DENND1C: variants seen among roughly 807,000 people sequenced by gnomAD.
DENND1C encodes the protein DENN domain-containing protein 1C.
In DENND1C, 64 loss-of-function variants were observed where a neutral mutation model predicts 87.9. The ratio of observed to expected loss-of-function variants is 0.73; its 90% CI spans 0.60 to 0.90. The LOEUF (loss-of-function observed/expected upper bound fraction) is 0.90. DENND1C is among the 40% of genes least tolerant of loss of function. The pLI is 0.00. For missense variants in DENND1C, 980 were observed against 1,037.0 expected, an observed-to-expected ratio of 0.95 and a Z score of 0.76; for synonymous variants, 384 against 424.4, an observed-to-expected ratio of 0.90 and a Z score of 1.17.
At position 6,468,828 on chromosome 19, in the gene DENND1C, G is replaced by A. The variant is rs1329376635; in HGVS notation, c.1515+18C>T. On this transcript the variant is annotated intron_variant, in intron 20 of 22. Transcript: ENST00000381480. The stretch of plus-strand genomic sequence containing the variant: ...GTGATAATTCCAGGTGTGTGCATGG[G>A]GGGAGGGGCGCTCTCACCTTTCCAA... 4.0e-6 allele frequency: 6 copies of A among 1,503,450 alleles called. No individual in the cohort carries two copies. The highest frequency in any genetic ancestry group is 5.3e-6 in the Non-Finnish European group (6 of 1,131,804). The allele number at this position is 1,503,450 out of a possible 1,614,324, so 93.1% of individuals were successfully genotyped here. A position where few individuals can be genotyped will look rare whatever the true frequency, so the allele number is the denominator to read the frequency against.
chr19:6,481,112 G>C (rs549022951), intron 1 of DENND1C, among the ~76,000 whole-genome samples: 1 of 151,684 alleles, frequency 6.6e-6, no homozygotes, highest in East Asian at 1.9e-4. Flanking sequence ...GGATACCTAG[G>C]TACTTACTGT....
rs376485715 is a variant in DENND1C, at chr19:6,468,302, C to G, written c.1723G>C (p.Gly575Arg). Residue 575 changes from glycine (G) to arginine (R), a missense_variant, in exon 22 of 23, where the codon GGC becomes CGC. Coordinates refer to ENST00000381480, the MANE Select transcript of DENND1C (RefSeq NM_024898.4). ...DSLSMGAKSA[G>R]SLRPSQSLDC... ...AAACTCTGGCTCGGTCTCAGGCTGC[C>G]TGCGCTCTTGGCTCCCATGCTAAGA... 5.0e-6 allele frequency: 8 copies of G among 1,613,780 alleles called. No individual in the cohort carries two copies. The African/African-American group carries it at 1.1e-4, about 22-fold the overall frequency.
rs748871045 is a variant in DENND1C, at chr19:6,478,969, C to T, written c.264G>A (p.Arg88=). The T allele has an allele frequency of 2.5e-6, 4 of 1,613,940 alleles. No individual in the cohort carries two copies. The highest frequency in any genetic ancestry group is 3.4e-6 in the Non-Finnish European group (4 of 1,179,862). Residue 88 remains arginine (R), a synonymous_variant, in exon 5 of 23, where the codon CGG becomes CGA. Transcript: ENST00000381480. ...TGCAGAGACAGCTCTGGGTACCCGCCCGCAGGCGGCAGAAACCAAATCTGC... is the reference window on the plus strand; with the variant it reads ...TGCAGAGACAGCTCTGGGTACCCGCTCGCAGGCGGCAGAAACCAAATCTGC... ...GNRRFGFCRL[R]AGTQSCLCIL... is the part of the protein sequence containing the mutation.
intron 17 of DENND1C, 149 bp downstream of exon 17, chr19:6,471,116 T>A: frequency 8.9e-7 from 1 of 1,118,616 alleles, no homozygotes; most frequent in Non-Finnish European, 1.3e-6. Context: ...TAGCGAATTT[T>A]TTTTTTTTCA....
Position 6,476,940 on chromosome 19 carries a change from C to A in DENND1C, c.595G>T (p.Val199Leu), listed in dbSNP as rs777556771. The A allele has an allele frequency of 2.5e-6, 4 of 1,613,688 alleles. No homozygotes were observed. The highest frequency in any genetic ancestry group is 3.4e-6 in the Non-Finnish European group (4 of 1,179,812). The change falls in exon 10 of 23, where the codon GTG (valine) becomes TTG (leucine). Residue 199 changes from valine (V) to leucine (L), a missense_variant. Physicochemically the swap from Val to Leu is conservative, Grantham distance 32. Coordinates refer to ENST00000381480, the MANE Select transcript of DENND1C (RefSeq NM_024898.4). Reference protein sequence around the residue: ...NRNLTELVVAVTDENIVGLFA... With the variant: ...NRNLTELVVALTDENIVGLFA... ...AGCCCCACGATGTTCTCGTCAGTCA[C>A]GGCCACCACCAGCTCCGTTAGGTTC...
Position 6,471,410 on chromosome 19 carries a change from G to C in DENND1C, c.1245C>G (p.Ser415=), listed in dbSNP as rs777723296. 5 of 1,586,162 alleles carry C rather than the reference G, an allele frequency of 3.2e-6. No individual in the cohort carries two copies. The South Asian group carries it at 5.7e-5, about 18-fold the overall frequency. Reference sequence around the variant, plus strand: ...GGGGCTGGACTCAGGGCTCACCTGAGGAGGCCCCGCAGCCAGTGATCTCCT... The same window carrying C: ...GGGGCTGGACTCAGGGCTCACCTGACGAGGCCCCGCAGCCAGTGATCTCCT... ...FEQEITGCGA[S]SGALRSYQLW... is the part of the protein sequence containing the mutation. The change falls in exon 16 of 23, where the codon TCC becomes TCG. Residue 415 remains serine, a synonymous_variant. Transcript: ENST00000381480.
intron 10 of DENND1C, chr19:6,476,526 C>T: frequency 4.1e-6 from 1 of 246,648 alleles, no homozygotes; most frequent in East Asian, 9.0e-5. Flanking sequence ...TCCCTGAGTC[C>T]CTGGGTCCCT....
chr19:6,476,558 T>G, intron 10 of DENND1C: 2 of 323,660 alleles, frequency 6.2e-6, no homozygotes, highest in Non-Finnish European at 1.1e-5. Flanking sequence ...TTCCCACGTG[T>G]ATAAGTCCCT....
intron 15 of DENND1C, among the ~76,000 whole-genome samples, chr19:6,472,469 C>G (rs891168576): frequency 5.3e-5 from 8 of 152,186 alleles, no homozygotes; most frequent in African/African-American, 1.9e-4. Flanking sequence ...CAGCTCACTG[C>G]AACGTCTGCC....
At chr19:6,476,665 G>T in intron 10 of DENND1C, 192 bp downstream of exon 10, 1 of 596,424 alleles carries the variant, frequency 1.7e-6, no homozygotes, top group Non-Finnish European at 2.9e-6. Flanking sequence ...AAAAGGAGGA[G>T]CTGCAGCGCA....
chr19:6,478,772 G>T lies in DENND1C; in HGVS notation c.366+11C>A, dbSNP rs1245436769. ...GGACTCCCACAGGAGTGAGAGAGGG[G>T]CTGGTCTCACTTGGTCCTGGGCTAG... On this transcript the variant is annotated intron_variant, in intron 6 of 22. Coordinates refer to ENST00000381480, the MANE Select transcript of DENND1C (RefSeq NM_024898.4). The T allele has an allele frequency of 1.9e-6, 3 of 1,609,536 alleles. No individual in the cohort carries two copies. The highest frequency in any genetic ancestry group is 1.3e-5 in the African/African-American group (1 of 74,952).
intron 6 of DENND1C, among the ~76,000 whole-genome samples, 172 bp downstream of exon 6, chr19:6,478,611 T>G (rs2092877205): frequency 6.6e-6 from 1 of 152,018 alleles, no homozygotes; most frequent in African/African-American, 2.4e-5. Context: ...CCAGCTGGTC[T>G]CGAACTCCAG....
At position 6,479,920 on chromosome 19, in the gene DENND1C, C is replaced by T. The variant is rs941695250; in HGVS notation, c.83-18G>A. 6.3e-7 allele frequency: 1 copy of T among 1,598,436 alleles called. No homozygotes were observed. Among genetic ancestry groups the T allele is most frequent in the Admixed American group, 1.8e-5 (1 of 57,012 alleles). On this transcript the variant is annotated intron_variant, in intron 2 of 22. Transcript: ENST00000381480. Reference sequence around the variant, plus strand: ...GGGGGGATCTGTAGAAGAGAGCACGCCTCTAAGTTCAGCGACCCAGGCCCA... The same window carrying T: ...GGGGGGATCTGTAGAAGAGAGCACGTCTCTAAGTTCAGCGACCCAGGCCCA...
chr19:6,474,321 G>T (rs1343542572), intron 14 of DENND1C, among the ~76,000 whole-genome samples: 5 of 152,170 alleles, frequency 3.3e-5, no homozygotes, highest in East Asian at 1.9e-4. Context: ...GGAGACAGAG[G>T]AAGTGGGTGG....
chr19:6,475,285 C>T lies in DENND1C; in HGVS notation c.1042G>A (p.Val348Ile). ...LLFGGYRDAL[V>I]CSPGQPVTFS... Reference sequence around the variant, plus strand: ...TCCCCGCTGCTCACCGGGCTGCAGACGAGTGCGTCGCGGTACCCCCCGAAG... The same window carrying T: ...TCCCCGCTGCTCACCGGGCTGCAGATGAGTGCGTCGCGGTACCCCCCGAAG... Residue 348 changes from valine (V) to isoleucine (I), a missense_variant, in exon 14 of 23, where the codon GTC (valine) becomes ATC (isoleucine). Coordinates refer to ENST00000381480, the MANE Select transcript of DENND1C (RefSeq NM_024898.4). 2 of 1,613,274 alleles carry T rather than the reference C, an allele frequency of 1.2e-6. No individual in the cohort carries two copies. The highest frequency in any genetic ancestry group is 2.2e-5 in the East Asian group (1 of 44,874).
intron 15 of DENND1C, among the ~76,000 whole-genome samples, chr19:6,471,772 A>T (rs1161247138): frequency 6.6e-6 from 1 of 152,034 alleles, no homozygotes; most frequent in Non-Finnish European, 1.5e-5. Context: ...CCTCCCAAGT[A>T]GCTGGGATTA....
chr19:6,480,181 T>C (rs1041778878), intron 1 of DENND1C, 130 bp from the exon 2 acceptor site: 4 of 1,491,348 alleles, frequency 2.7e-6, no homozygotes, highest in Non-Finnish European at 8.9e-7. Flanking sequence ...ACTCTGGGGG[T>C]TTGTGGCTGT....
rs35687922 is a variant in DENND1C, at chr19:6,470,620, G to GTTTTTTTTTTTTTT, written c.1291-268_1291-255dup. On this transcript the variant is annotated intron_variant, in intron 17 of 22. Transcript: ENST00000381480. ...GAGTCTCAAAGAACAGTTTTTTTTT[G>GTTTTTTTTTTTTTT]TTTTTTTTTTTTTTTTGCTGAGATG... 2.8e-3 allele frequency among the ~76,000 whole-genome samples: 322 copies of GTTTTTTTTTTTTTT among 114,772 alleles called. 11 individuals are homozygous for GTTTTTTTTTTTTTT. Among genetic ancestry groups the GTTTTTTTTTTTTTT allele is most frequent in the Non-Finnish European group, 4.2e-3 (244 of 57,760 alleles). 75.3% of individuals were successfully genotyped at this position (114,772 alleles called of 152,430 possible). A position where few individuals can be genotyped will look rare whatever the true frequency, so the allele number is the denominator to read the frequency against.
intron 14 of DENND1C, 95 bp downstream of exon 14, chr19:6,475,179 G>C (rs1019040169): frequency 5.1e-6 from 8 of 1,577,102 alleles, no homozygotes; most frequent in Non-Finnish European, 6.9e-6. Context: ...TTACAGGCGT[G>C]AGCCACTGCG....
Sources: gnomAD v4.1 joint callset for allele counts (sites outside exome capture counted in the v4.1 genomes callset) on GRCh38, gnomAD v4.1.1 for gene constraint, MANE v1.5 for transcripts, NCBI Gene and HGNC (gene_info 2026-07-23, HGNC 2026-07-21) for gene names.